The following B3GAT2 variants were observed in gnomAD, a reference collection of about 807,000 sequenced individuals.
B3GAT2 encodes the protein galactosylgalactosylxylosylprotein 3-beta-glucuronosyltransferase 2.
Under a neutral mutation model 27.8 loss-of-function variants are expected in B3GAT2, and 26 were observed. The ratio of observed to expected loss-of-function variants is 0.93; its 90% CI spans 0.68 to 1.30. B3GAT2 has a LOEUF of 1.30. Among genes scored for constraint, B3GAT2 ranks in the 50% most tolerant of loss-of-function variants. B3GAT2 has a pLI of 0.00. For missense variants in B3GAT2, 458 were observed against 459.0 expected (o/e 1.00, Z 0.02); for synonymous variants, 218 against 195.1 (o/e 1.12, Z -0.98).
intron 2 of B3GAT2, among the ~76,000 whole-genome samples, chr6:70,875,593 T>C (rs1309148787): frequency 1.3e-5 from 2 of 152,196 alleles, no homozygotes; most frequent in African/African-American, 4.8e-5. Context: ...AACAGAACCA[T>C]AGCTTCCCGC....
In B3GAT2 at chr6:70,947,436, G is replaced by A. The variant is rs12524767; in HGVS notation, c.591+8403C>T. Among the ~76,000 whole-genome samples the A allele has an allele frequency of 3.5e-3, 527 of 152,246 alleles. 3 individuals carry two copies. Among genetic ancestry groups the A allele is most frequent in the Middle Eastern group, 0.027 (8 of 294 alleles). ...CCCACAGAAATAGAAACTACCATCA[G>A]AGAATACTACAAACACCTCTACGCA... On this transcript the variant is annotated intron_variant, in intron 1 of 3. Transcript: ENST00000230053.
At position 70,896,682 on chromosome 6, in the gene B3GAT2, C is replaced by T. The variant is rs1772392613; in HGVS notation, c.592-2410G>A. Among the ~76,000 whole-genome samples the T allele has an allele frequency of 1.3e-5, 2 of 152,058 alleles. 1 individual carries two copies. Among genetic ancestry groups the T allele is most frequent in the South Asian group, 4.1e-4 (2 of 4,824 alleles). ...TGAATGTGTGTATGTGTAAATATAGCTTCTTTCATTTGGCATAGTTATAAA... is the reference window on the plus strand; with the variant it reads ...TGAATGTGTGTATGTGTAAATATAGTTTCTTTCATTTGGCATAGTTATAAA... On this transcript the variant is annotated intron_variant, in intron 1 of 3. Coordinates refer to ENST00000230053, the MANE Select transcript of B3GAT2 (RefSeq NM_080742.3).
At chr6:70,906,442 C>A (rs79253620) in intron 1 of B3GAT2, among the ~76,000 whole-genome samples, 12,200 of 152,148 alleles carry the variant, frequency 0.08, 586 homozygotes, top group Non-Finnish European at 0.11. Context: ...TGGGCTCAAG[C>A]AATCCTCCTG....
At chr6:70,926,122 T>TAGCATC (rs1313980698) in intron 1 of B3GAT2, among the ~76,000 whole-genome samples, 1 of 152,150 alleles carries the variant, frequency 6.6e-6, no homozygotes, top group Non-Finnish European at 1.5e-5. Flanking sequence ...TCAACAAAAC[T>TAGCATC]AGCATCAACA....
At chr6:70,915,070 GT>G (rs1297978344) in intron 1 of B3GAT2, among the ~76,000 whole-genome samples, 6 of 152,150 alleles carry the variant, frequency 3.9e-5, no homozygotes, top group African/African-American at 1.4e-4. Flanking sequence ...AGCATCTGTG[GT>G]TTCCTGGCTT....
intron 2 of B3GAT2, among the ~76,000 whole-genome samples, chr6:70,870,547 T>TA (rs1050277040): frequency 6.8e-6 from 1 of 147,478 alleles, no homozygotes; most frequent in Non-Finnish European, 1.5e-5. Context: ...ATAATAATAA[T>TA]AAAAAAAAGA....
At position 70,858,195 on chromosome 6, in the gene B3GAT2, C is replaced by T. The variant is rs745853859; in HGVS notation, c.*3468G>A. 54 of 1,613,444 alleles carry T rather than the reference C, an allele frequency of 3.3e-5. No homozygotes were observed. Among genetic ancestry groups the T allele is most frequent in the African/African-American group, 1.2e-4 (9 of 74,810 alleles). ...GCACCCCAGAGTAAGTTTGGCCTGC[C>T]GCAAGCTCAGCAGCCCCAGTGGAGC... On this transcript the variant is annotated 3_prime_UTR_variant, in exon 4 of 4. Transcript: ENST00000230053.
In B3GAT2 at chr6:70,939,639, T is replaced by C. The variant is rs915616863; in HGVS notation, c.591+16200A>G. On this transcript the variant is annotated intron_variant, in intron 1 of 3. Coordinates refer to ENST00000230053, the MANE Select transcript of B3GAT2 (RefSeq NM_080742.3). ...GGAAATCATCATTCTCAGTAAACTA[T>C]TGCAAGGACAAAAAACCAACACCGC... is the stretch of plus-strand genomic sequence containing the variant. 2.6e-5 allele frequency among the ~76,000 whole-genome samples: 4 copies of C among 151,696 alleles called. No homozygotes were observed. The East Asian group carries it at 5.8e-4, about 22-fold the overall frequency.
chr6:70,928,480 T>G (rs1330278841), intron 1 of B3GAT2, among the ~76,000 whole-genome samples: 1 of 151,828 alleles, frequency 6.6e-6, no homozygotes, highest in Non-Finnish European at 1.5e-5. Flanking sequence ...ATCAAATAGA[T>G]GTAATAAGAA....
chr6:70,906,911 C>T (rs1391103836), intron 1 of B3GAT2, among the ~76,000 whole-genome samples: 2 of 152,074 alleles, frequency 1.3e-5, no homozygotes, highest in Non-Finnish European at 1.5e-5. Flanking sequence ...CAATCCTATA[C>T]ACAAGCAACT....
chr6:70,898,759 C>T (rs1772436779), intron 1 of B3GAT2, among the ~76,000 whole-genome samples: 1 of 152,160 alleles, frequency 6.6e-6, no homozygotes, highest in Non-Finnish European at 1.5e-5. Flanking sequence ...AGGTATTAAA[C>T]AACTCTTGGC....
chr6:70,902,347 T>G (rs1200016595), intron 1 of B3GAT2, among the ~76,000 whole-genome samples: 5 of 149,694 alleles, frequency 3.3e-5, no homozygotes, highest in East Asian at 4.0e-4. Context: ...AAAAAAAAAG[T>G]AGATGTGGAG....
At chr6:70,930,581 A>T (rs1314031444) in intron 1 of B3GAT2, among the ~76,000 whole-genome samples, 1 of 152,264 alleles carries the variant, frequency 6.6e-6, no homozygotes, top group Non-Finnish European at 1.5e-5. Context: ...AGACACACGA[A>T]AAAATGCTCA....
intron 1 of B3GAT2, among the ~76,000 whole-genome samples, chr6:70,933,961 T>C (rs1773100925): frequency 6.6e-6 from 1 of 152,220 alleles, no homozygotes; most frequent in Non-Finnish European, 1.5e-5. Context: ...GAGCTGGATA[T>C]CAGGGCTTTT....
intron 1 of B3GAT2, among the ~76,000 whole-genome samples, chr6:70,895,746 TAA>T (rs1238161215): frequency 1.3e-5 from 2 of 152,088 alleles, no homozygotes; most frequent in Non-Finnish European, 2.9e-5. Flanking sequence ...GCCTCAAATC[TAA>T]AGTTACTATT....
chr6:70,934,320 G>C (rs772084065), intron 1 of B3GAT2, among the ~76,000 whole-genome samples: 1 of 151,698 alleles, frequency 6.6e-6, no homozygotes, highest in Admixed American at 6.6e-5. Context: ...ACTTGGATAG[G>C]GGCAGGTTCT....
At chr6:70,878,997 T>A (rs1303063976) in intron 2 of B3GAT2, among the ~76,000 whole-genome samples, 1 of 152,184 alleles carries the variant, frequency 6.6e-6, no homozygotes. Context: ...TCATTTTCAC[T>A]TTGCTTCTCC....
Position 70,956,282 on chromosome 6 carries a change from CG to C in B3GAT2, c.147del (p.Ala50ProfsTer49). The C allele has an allele frequency of 6.2e-7, 1 of 1,605,864 alleles. No homozygotes were observed. The highest frequency in any genetic ancestry group is 8.5e-7 in the Non-Finnish European group (1 of 1,175,846). ...CCGCCCCTGCGGAGCGGGAGTCGGG[CG>C]CCCCCGCGGCCCACCGCGTAGGGAG... The part of the protein sequence containing the change: ...YFSPYAVGRG[G>X]ARLPLRRGGP... On this transcript the variant is annotated frameshift_variant, in exon 1 of 4. Coordinates refer to ENST00000230053, the MANE Select transcript of B3GAT2 (RefSeq NM_080742.3). LOFTEE classifies it high-confidence loss of function.
At chr6:70,899,474 A>G (rs1436549151) in intron 1 of B3GAT2, among the ~76,000 whole-genome samples, 1 of 152,216 alleles carries the variant, frequency 6.6e-6, no homozygotes, top group African/African-American at 2.4e-5. Context: ...ATTTTTCTAG[A>G]GGCTGGGTGT....
Sources: gnomAD v4.1 joint callset for allele counts (sites outside exome capture counted in the v4.1 genomes callset) on GRCh38, gnomAD v4.1.1 for gene constraint, MANE v1.5 for transcripts, NCBI Gene and HGNC (gene_info 2026-07-23, HGNC 2026-07-21) for gene names.